NELL1: variants seen among roughly 807,000 people sequenced by gnomAD.
NELL1 encodes neural EGFL like 1.
Under a neutral mutation model 107.4 loss-of-function variants are expected in NELL1, and 76 were observed. The ratio of observed to expected loss-of-function variants is 0.71; its 90% CI spans 0.59 to 0.86. The LOEUF (loss-of-function observed/expected upper bound fraction) is 0.86. Ranked by LOEUF, NELL1 falls within the 40% of genes least tolerant of loss-of-function variation. The pLI is 0.00. For missense variants in NELL1, 1,024 were observed against 1,005.5 expected, an observed-to-expected ratio of 1.02 and a Z score of -0.25; for synonymous variants, 353 against 341.2, an observed-to-expected ratio of 1.03 and a Z score of -0.38.
chr11:20,903,367 C>T (rs1849920370), intron 5 of NELL1, among the ~76,000 whole-genome samples: 3 of 152,062 alleles, frequency 2.0e-5, no homozygotes, highest in Admixed American at 2.0e-4. Context: ...GACTGGTTCT[C>T]AGTCCTGAAA....
intron 2 of NELL1, among the ~76,000 whole-genome samples, chr11:20,697,409 TTTC>T (rs1217126610): frequency 1.1e-3 from 144 of 130,126 alleles, no homozygotes; most frequent in South Asian, 3.7e-3. Context: ...TTTTTTTTTT[TTTC>T]CTGCCAGGAA....
chr11:21,321,438 T>G (rs1590834958), intron 14 of NELL1, among the ~76,000 whole-genome samples: 2 of 151,542 alleles, frequency 1.3e-5, no homozygotes, highest in Admixed American at 6.6e-5. Context: ...GGGGAGGAGG[T>G]CAACCAGCAG....
chr11:21,320,592 A>G (rs1417072638), intron 14 of NELL1, among the ~76,000 whole-genome samples: 1 of 152,204 alleles, frequency 6.6e-6, no homozygotes, highest in Non-Finnish European at 1.5e-5. Flanking sequence ...AAGACACTGT[A>G]CTAAAGTGGT....
At chr11:21,049,904 C>T (rs950509137) in intron 12 of NELL1, among the ~76,000 whole-genome samples, 1 of 151,234 alleles carries the variant, frequency 6.6e-6, no homozygotes, top group Non-Finnish European at 1.5e-5. Context: ...TCCCGAACTC[C>T]TGACTTCAGG....
At chr11:21,323,837 G>A (rs1850066867) in intron 14 of NELL1, among the ~76,000 whole-genome samples, 1 of 152,004 alleles carries the variant, frequency 6.6e-6, no homozygotes, top group African/African-American at 2.4e-5. Context: ...GCCCCCTACT[G>A]TACCCCAGAA....
At chr11:21,139,527 T>C (rs994288809) in intron 13 of NELL1, among the ~76,000 whole-genome samples, 1 of 152,198 alleles carries the variant, frequency 6.6e-6, no homozygotes, top group Admixed American at 6.5e-5. Context: ...CATTACATAC[T>C]TTACTCATTT....
At chr11:21,176,792 A>AAT (rs1856722011) in intron 13 of NELL1, among the ~76,000 whole-genome samples, 1 of 151,610 alleles carries the variant, frequency 6.6e-6, no homozygotes, top group African/African-American at 2.4e-5. Flanking sequence ...AATTTCTGAT[A>AAT]ATATGGGTTC....
chr11:20,993,674 A>G (rs544259883), intron 12 of NELL1, among the ~76,000 whole-genome samples: 90 of 152,178 alleles, frequency 5.9e-4, no homozygotes, highest in Non-Finnish European at 1.2e-3. Context: ...TCATCTCTAG[A>G]TTACTGATAA....
chr11:20,700,335 C>T (rs868649055), intron 2 of NELL1, among the ~76,000 whole-genome samples: 4 of 151,714 alleles, frequency 2.6e-5, no homozygotes, highest in African/African-American at 9.7e-5. Context: ...AAAAATTAGC[C>T]AGGCATGGTG....
intron 16 of NELL1, among the ~76,000 whole-genome samples, chr11:21,543,556 A>C (rs1278765679): frequency 6.6e-6 from 1 of 152,026 alleles, no homozygotes; most frequent in Non-Finnish European, 1.5e-5. Context: ...TAGAAAAGAA[A>C]GCTCTTCTGG....
rs183523757 is a variant in NELL1 at position 21,209,824 on chromosome 11, T to G, written c.1427-19508T>G. Among the ~76,000 whole-genome samples the G allele has an allele frequency of 1.6e-3, 248 of 152,286 alleles. 2 individuals are homozygous for G. Among genetic ancestry groups the G allele is most frequent in the African/African-American group, 5.6e-3 (232 of 41,570 alleles). On this transcript the variant is annotated intron_variant, in intron 13 of 19. Transcript: ENST00000357134. Reference sequence around the variant, plus strand: ...GCTATTTGTTTTAACTTTGGTTTTATGCAATGGTCATGTAGAATGTTTCTA... The same window carrying G: ...GCTATTTGTTTTAACTTTGGTTTTAGGCAATGGTCATGTAGAATGTTTCTA...
At chr11:21,200,198 C>G (rs1857237914) in intron 13 of NELL1, among the ~76,000 whole-genome samples, 1 of 152,096 alleles carries the variant, frequency 6.6e-6, no homozygotes. Flanking sequence ...ATTTCTAGTT[C>G]TAGATCCTTG....
rs145728990 is a variant in NELL1 at position 21,546,737 on chromosome 11, T to C, written c.1786+12223T>C. On this transcript the variant is annotated intron_variant, in intron 16 of 19. Coordinates refer to ENST00000357134, the MANE Select transcript of NELL1 (RefSeq NM_006157.5). ...TTTGTAAATTACGCAGTTTCAGGTA[T>C]TTCTTTATTAGTGGCATGAAAATGG... is the stretch of plus-strand genomic sequence containing the variant. Among the ~76,000 whole-genome samples, 382 of 152,166 alleles carry C rather than the reference T, an allele frequency of 2.5e-3. 2 individuals are homozygous for C. The highest frequency in any genetic ancestry group is 8.9e-3 in the African/African-American group (371 of 41,566).
Position 20,774,101 on chromosome 11 carries a change from C to T in NELL1, c.185-9579C>T, listed in dbSNP as rs111943228. ...CCCCTCCTGTCCCCTTCCCTCCCTTCCTCCCTCCCTTCCTTTCTCCCTCCC... is the reference window on the plus strand; with the variant it reads ...CCCCTCCTGTCCCCTTCCCTCCCTTTCTCCCTCCCTTCCTTTCTCCCTCCC... On this transcript the variant is annotated intron_variant, in intron 2 of 19. Transcript: ENST00000357134. Among the ~76,000 whole-genome samples, 12 of 2,170 alleles carry T rather than the reference C, an allele frequency of 5.5e-3. 1 individual carries two copies. Among genetic ancestry groups the T allele is most frequent in the African/African-American group, 9.9e-3 (7 of 710 alleles). 1.4% of individuals were successfully genotyped at this position (2,170 alleles called of 152,430 possible). A position where few individuals can be genotyped will look rare whatever the true frequency, so the allele number is the denominator to read the frequency against.
chr11:21,493,310 A>G (rs897212442), intron 15 of NELL1, among the ~76,000 whole-genome samples: 2 of 152,168 alleles, frequency 1.3e-5, no homozygotes, highest in African/African-American at 4.8e-5. Flanking sequence ...AACTATTCAC[A>G]ATAGCAAAGA....
chr11:21,194,891 T>A (rs541328631), intron 13 of NELL1, among the ~76,000 whole-genome samples: 1 of 151,960 alleles, frequency 6.6e-6, no homozygotes, highest in East Asian at 1.9e-4. Context: ...CACTGGGGAG[T>A]AAGCAGATTA....
intron 13 of NELL1, among the ~76,000 whole-genome samples, chr11:21,205,130 T>A (rs892580435): frequency 1.3e-5 from 2 of 152,130 alleles, no homozygotes; most frequent in Non-Finnish European, 2.9e-5. Context: ...TTAGCAGAGC[T>A]CGAACGCTGT....
At chr11:20,985,523 G>A (rs1364034515) in intron 12 of NELL1, among the ~76,000 whole-genome samples, 1 of 152,140 alleles carries the variant, frequency 6.6e-6, no homozygotes, top group African/African-American at 2.4e-5. Context: ...AAAGCTGTGT[G>A]ATGAGGGCAA....
At chr11:21,432,433 C>G (rs1852990424) in intron 15 of NELL1, among the ~76,000 whole-genome samples, 2 of 152,082 alleles carry the variant, frequency 1.3e-5, no homozygotes, top group Non-Finnish European at 2.9e-5. Flanking sequence ...GATTCTCCAC[C>G]CTAAACCTCA....
Sources: gnomAD v4.1 joint callset for allele counts (sites outside exome capture counted in the v4.1 genomes callset) on GRCh38, gnomAD v4.1.1 for gene constraint, MANE v1.5 for transcripts, NCBI Gene and HGNC (gene_info 2026-07-23, HGNC 2026-07-21) for gene names.